Variants in CPEB3 observed in about 807,000 individuals in gnomAD.
The protein encoded by CPEB3 is cytoplasmic polyadenylation element binding protein 3.
Under a neutral mutation model 67.2 loss-of-function variants are expected in CPEB3, and 20 were observed. The ratio of observed to expected loss-of-function variants is 0.30; its 90% confidence interval spans 0.21 to 0.43. The LOEUF is 0.43. Among genes scored for constraint, CPEB3 ranks in the 20% least tolerant of loss-of-function variants. CPEB3 has a pLI of 1.00. For synonymous variants in CPEB3, 376 were observed against 393.1 expected (o/e 0.96, Z 0.51); for missense variants, 746 against 968.6 (o/e 0.77, Z 3.05).
intron 8 of CPEB3, among the ~76,000 whole-genome samples, chr10:92,087,590 CA>C (rs1843425664): frequency 6.6e-6 from 1 of 152,208 alleles, no homozygotes; most frequent in African/African-American, 2.4e-5. Context: ...GTCCTCCCAT[CA>C]GATGCCAAAA....
At chr10:92,148,261 T>C (rs1179759704) in intron 4 of CPEB3, among the ~76,000 whole-genome samples, 1 of 152,180 alleles carries the variant, frequency 6.6e-6, no homozygotes, top group Non-Finnish European at 1.5e-5. Flanking sequence ...GCTCACTAAC[T>C]GCCAATCACA....
At chr10:92,252,486 C>T (rs1052677609) in intron 1 of CPEB3, among the ~76,000 whole-genome samples, 12 of 151,978 alleles carry the variant, frequency 7.9e-5, no homozygotes, top group East Asian at 1.9e-4. Context: ...AAGATATGTT[C>T]GAAGCAGCAT....
chr10:92,279,073 C>T (rs951399150), intron 1 of CPEB3, among the ~76,000 whole-genome samples: 7 of 152,082 alleles, frequency 4.6e-5, no homozygotes, highest in Non-Finnish European at 7.4e-5. Flanking sequence ...TCCAGTACAA[C>T]GTTGAATAGA....
chr10:92,062,493 G>C (rs955833501), intron 9 of CPEB3, among the ~76,000 whole-genome samples: 3 of 152,042 alleles, frequency 2.0e-5, no homozygotes, highest in African/African-American at 4.8e-5. Flanking sequence ...TATTTATGGA[G>C]TGCCTGTTCC....
intron 1 of CPEB3, among the ~76,000 whole-genome samples, chr10:92,277,813 C>T (rs377740596): frequency 6.6e-5 from 10 of 151,876 alleles, no homozygotes; most frequent in African/African-American, 1.5e-4. Context: ...ATCGCTTGAA[C>T]GCGGGAGGTG....
rs1027812744 is a variant in CPEB3, at chr10:92,239,826, C to T, written c.525G>A (p.Pro175=). The T allele has an allele frequency of 2.0e-6, 3 of 1,471,470 alleles. No homozygotes were observed. Among genetic ancestry groups the T allele is most frequent in the Non-Finnish European group, 1.8e-6 (2 of 1,112,002 alleles). 91.2% of individuals were successfully genotyped at this position (1,471,470 alleles called of 1,614,324 possible). ...QPPPPAPAPQ[P]AQPAQPPQAQ... ...CCTGTGGTGGCTGCGCTGGCTGTGC[C>T]GGCTGCGGCGCGGGCGCAGGCGGCG... Residue 175 remains proline (P), a synonymous_variant, in exon 2 of 10, where the codon CCG becomes CCA. Coordinates refer to ENST00000265997, the MANE Select transcript of CPEB3 (RefSeq NM_014912.5). The surrounding 1 kb of genome is among the most constrained non-coding windows in gnomAD (Gnocchi z 6.0).
intron 7 of CPEB3, among the ~76,000 whole-genome samples, chr10:92,099,149 C>T (rs1844046900): frequency 6.6e-6 from 1 of 151,254 alleles, no homozygotes; most frequent in Admixed American, 6.6e-5. Flanking sequence ...CTACTTAAAA[C>T]TAAAGGTCAT....
intron 6 of CPEB3, among the ~76,000 whole-genome samples, chr10:92,124,233 G>A (rs912798672): frequency 1.3e-5 from 2 of 152,192 alleles, no homozygotes; most frequent in Non-Finnish European, 1.5e-5. Context: ...TGTTATTTAC[G>A]TGGCTGCTCA....
intron 1 of CPEB3, among the ~76,000 whole-genome samples, chr10:92,289,702 G>A (rs1324070564): frequency 2.5e-5 from 2 of 79,414 alleles, no homozygotes; most frequent in African/African-American, 7.5e-5. Flanking sequence ...GCAACATGGC[G>A]AGACCGCGTC....
At chr10:92,278,706 T>C (rs1842115290) in intron 1 of CPEB3, among the ~76,000 whole-genome samples, 1 of 151,028 alleles carries the variant, frequency 6.6e-6, no homozygotes, top group Non-Finnish European at 1.5e-5. Context: ...GTTCAAGCCA[T>C]TCTCCTGGCT....
intron 9 of CPEB3, among the ~76,000 whole-genome samples, chr10:92,063,433 T>C (rs1842432811): frequency 6.6e-6 from 1 of 152,198 alleles, no homozygotes; most frequent in Non-Finnish European, 1.5e-5. Flanking sequence ...TGGCCTCTGT[T>C]ACAGTCTGTC....
chr10:92,172,635 A>G (rs917281076), intron 4 of CPEB3, among the ~76,000 whole-genome samples: 7 of 152,252 alleles, frequency 4.6e-5, no homozygotes, highest in African/African-American at 1.7e-4. Context: ...ACATGCTGAC[A>G]TGCAATTTAC....
Position 92,053,823 on chromosome 10 carries a change from G to A in CPEB3, c.1870-1384C>T, listed in dbSNP as rs191564505. On this transcript the variant is annotated intron_variant, in intron 9 of 9. Coordinates refer to ENST00000265997, the MANE Select transcript of CPEB3 (RefSeq NM_014912.5). ...CCCAAAGTGCTGGGATTACAGGCGT[G>A]AGCCACCATGCCTGGCACACTCGAC... 2.6e-3 allele frequency among the ~76,000 whole-genome samples: 399 copies of A among 151,884 alleles called. 1 individual carries two copies. Among genetic ancestry groups the A allele is most frequent in the Non-Finnish European group, 2.7e-3 (182 of 67,942 alleles).
At chr10:92,262,297 G>A (rs1230296286) in intron 1 of CPEB3, among the ~76,000 whole-genome samples, 1 of 152,148 alleles carries the variant, frequency 6.6e-6, no homozygotes, top group Non-Finnish European at 1.5e-5. Context: ...TTATCTAAAT[G>A]CAGATACTAG....
At position 92,239,308 on chromosome 10, in the gene CPEB3, G is replaced by A. The variant is rs1381981084; in HGVS notation, c.1005+38C>T. On this transcript the variant is annotated intron_variant, in intron 2 of 9. Coordinates refer to ENST00000265997, the MANE Select transcript of CPEB3 (RefSeq NM_014912.5). This position sits in a 1 kb window ranked among gnomAD's most constrained non-coding sequence, Gnocchi z 6.0. Reference sequence around the variant, plus strand: ...TCAGAGAAGTGGCAAAAGGAGCGGGGCAGAGGGAAGGAGTGTGTAGGTGCA... The same window carrying A: ...TCAGAGAAGTGGCAAAAGGAGCGGGACAGAGGGAAGGAGTGTGTAGGTGCA... The A allele has an allele frequency of 1.9e-6, 3 of 1,581,644 alleles. No homozygotes were observed. Among genetic ancestry groups the A allele is most frequent in the African/African-American group, 1.3e-5 (1 of 74,552 alleles).
At chr10:92,279,005 C>T (rs1290770564) in intron 1 of CPEB3, among the ~76,000 whole-genome samples, 1 of 151,800 alleles carries the variant, frequency 6.6e-6, no homozygotes, top group African/African-American at 2.4e-5. Context: ...TTATTTCTTC[C>T]TTTCCAATAT....
At chr10:92,079,780 G>T (rs910966933) in intron 9 of CPEB3, among the ~76,000 whole-genome samples, 4 of 152,100 alleles carry the variant, frequency 2.6e-5, no homozygotes, top group Non-Finnish European at 4.4e-5. Context: ...GACTGTAGAG[G>T]ATATTTAGTG....
In CPEB3 at chr10:92,239,529, C is replaced by A; in HGVS notation, c.822G>T (p.Val274=). The change falls in exon 2 of 10, where the codon GTG becomes GTT. Residue 274 remains valine, a synonymous_variant. Coordinates refer to ENST00000265997, the MANE Select transcript of CPEB3 (RefSeq NM_014912.5). The surrounding 1 kb of genome is among the most constrained non-coding windows in gnomAD (Gnocchi z 6.0). ...GCACCCCGACACCCACACCCACGCC[C>A]ACACCGACCGCCCGGCGAGGGTCCC... The part of the protein sequence containing the change: ...AGRDPRRAVG[V]GVGVGVGVPS... 6.4e-7 allele frequency: 1 copy of A among 1,562,724 alleles called. No homozygotes were observed. The highest frequency in any genetic ancestry group is 1.2e-5 in the South Asian group (1 of 85,480).
At chr10:92,141,776 T>C (rs1590227762) in intron 6 of CPEB3, among the ~76,000 whole-genome samples, 1 of 149,602 alleles carries the variant, frequency 6.7e-6, no homozygotes, top group African/African-American at 2.4e-5. Context: ...CCCAGCACTT[T>C]GGGAGGCCAA....
Sources: allele counts gnomAD v4.1 joint callset (sites outside exome capture counted in the v4.1 genomes callset), GRCh38; gene constraint gnomAD v4.1.1; non-coding constraint Gnocchi (gnomAD v3.1); transcripts MANE v1.5; gene names NCBI Gene and HGNC (gene_info 2026-07-23, HGNC 2026-07-21).